The following RPF2 variants were observed in gnomAD, a reference collection of about 807,000 sequenced individuals.
RPF2 encodes ribosome production factor 2 homolog.
RPF2 carries 21 observed loss-of-function variants against 38.9 expected under a neutral mutation model. The observed-to-expected ratio is 0.54, with a 90% CI of 0.38 to 0.78. RPF2 has a LOEUF of 0.78. Among genes scored for constraint, RPF2 ranks in the 30% least tolerant of loss-of-function variants. The probability of loss-of-function intolerance (pLI) is 0.00; values close to 1 mark genes in which losing one functional copy is unlikely to be tolerated. For synonymous variants in RPF2, 121 were observed against 126.2 expected (o/e 0.96, Z 0.28); for missense variants, 314 against 358.1 (o/e 0.88, Z 0.99).
chr6:110,982,249 C>T, intron 1 of RPF2, 120 bp downstream of exon 1: 3 of 1,137,694 alleles, frequency 2.6e-6, no homozygotes, highest in Non-Finnish European at 2.6e-6. Context: ...GGGTGGGGGC[C>T]GATCGATCAC....
chr6:110,995,608 T>A (rs1013538801), intron 4 of RPF2, among the ~76,000 whole-genome samples: 1 of 152,186 alleles, frequency 6.6e-6, no homozygotes, highest in African/African-American at 2.4e-5. Flanking sequence ...TTCCAATTGA[T>A]TTCTGGACTA....
chr6:111,018,804 A>G (rs1345497962), intron 8 of RPF2, among the ~76,000 whole-genome samples: 1 of 152,198 alleles, frequency 6.6e-6, no homozygotes, highest in Non-Finnish European at 1.5e-5. Context: ...AAAGCCCCTT[A>G]AGTCTCCTGT....
intron 7 of RPF2, among the ~76,000 whole-genome samples, chr6:111,011,947 G>A (rs966928055): frequency 6.6e-6 from 1 of 152,090 alleles, no homozygotes; most frequent in African/African-American, 2.4e-5. Context: ...AGGGCACCAA[G>A]GGAAGTTGAG....
At chr6:111,017,702 G>A (rs1349070407) in intron 8 of RPF2, among the ~76,000 whole-genome samples, 3 of 145,844 alleles carry the variant, frequency 2.1e-5, no homozygotes, top group East Asian at 2.1e-4. Context: ...GATGGCGGCC[G>A]GGAAGAGGCG....
chr6:111,012,773 G>A (rs150324007), intron 7 of RPF2, among the ~76,000 whole-genome samples: 1,579 of 152,224 alleles, frequency 0.01, 26 homozygotes, highest in African/African-American at 0.036. Flanking sequence ...CTGTTCAAGC[G>A]ATTCTTCTGC....
intron 8 of RPF2, among the ~76,000 whole-genome samples, chr6:111,019,037 G>A (rs1377292379): frequency 3.3e-5 from 5 of 151,918 alleles, no homozygotes; most frequent in South Asian, 2.1e-4. Context: ...CCAACACAGC[G>A]AAACCTGTCT....
intron 8 of RPF2, among the ~76,000 whole-genome samples, chr6:111,023,944 C>T (rs910235121): frequency 1.7e-4 from 26 of 151,676 alleles, no homozygotes; most frequent in Middle Eastern, 3.4e-3. Flanking sequence ...GCCAAGATCG[C>T]GCCACTGCAC....
intron 7 of RPF2, among the ~76,000 whole-genome samples, chr6:111,010,128 C>CTT (rs201363141): frequency 2.3e-5 from 3 of 130,714 alleles, no homozygotes; most frequent in Non-Finnish European, 4.9e-5. Context: ...TTTTTTTTTT[C>CTT]TTTTTTTTTT....
intron 6 of RPF2, among the ~76,000 whole-genome samples, chr6:111,006,802 A>G (rs9374242): frequency 0.13 from 19,585 of 151,960 alleles, 1,743 homozygotes; most frequent in East Asian, 0.49. Flanking sequence ...GGCCAGTTGC[A>G]GTGGCTCATG....
At chr6:110,986,776 A>C (rs967444934) in intron 2 of RPF2, among the ~76,000 whole-genome samples, 14 of 151,898 alleles carry the variant, frequency 9.2e-5, no homozygotes, top group African/African-American at 2.9e-4. Flanking sequence ...ACACGGTGAA[A>C]TCCTGTCTCT....
At chr6:110,990,630 C>A (rs528020274) in intron 3 of RPF2, among the ~76,000 whole-genome samples, 3 of 146,546 alleles carry the variant, frequency 2.0e-5, no homozygotes, top group Non-Finnish European at 4.5e-5. Context: ...TTTCACCCAG[C>A]CTGGAGTGCA....
At chr6:111,018,938 G>A (rs372399908) in intron 8 of RPF2, among the ~76,000 whole-genome samples, 116 of 152,254 alleles carry the variant, frequency 7.6e-4, no homozygotes, top group African/African-American at 2.5e-3. Flanking sequence ...TACTCAGGAC[G>A]GACATGGTGG....
chr6:110,990,559 A>ACCCCCCC (rs34703789), intron 3 of RPF2, among the ~76,000 whole-genome samples: 3 of 77,276 alleles, frequency 3.9e-5, no homozygotes, highest in Admixed American at 1.8e-4. Context: ...GCAATTGGGA[A>ACCCCCCC]CCCCCCCCCC....
intron 6 of RPF2, among the ~76,000 whole-genome samples, chr6:111,004,032 C>T (rs556070980): frequency 5.1e-4 from 78 of 152,084 alleles, no homozygotes; most frequent in African/African-American, 1.7e-3. Flanking sequence ...AGGCTAGTCT[C>T]AAACTCCTGA....
intron 8 of RPF2, 26 bp downstream of exon 8, chr6:111,015,882 C>G: frequency 6.7e-7 from 1 of 1,495,326 alleles, no homozygotes; most frequent in Non-Finnish European, 9.3e-7. Flanking sequence ...CACATATTTT[C>G]TTAATCCTCA....
At chr6:111,011,299 TCTTTCTTTC>T (rs1562373430) in intron 7 of RPF2, among the ~76,000 whole-genome samples, 8 of 146,832 alleles carry the variant, frequency 5.4e-5, no homozygotes, top group East Asian at 2.7e-4. Context: ...TTTCTTTCTT[TCTTTCTTTC>T]TTTTTTTTTT....
chr6:111,013,648 A>G (rs1772056573), intron 7 of RPF2, among the ~76,000 whole-genome samples: 1 of 152,168 alleles, frequency 6.6e-6, no homozygotes, highest in Non-Finnish European at 1.5e-5. Flanking sequence ...TTGCATTATG[A>G]AAGTTGTTTC....
At chr6:111,016,670 C>CTTTTTTT (rs71021821) in intron 8 of RPF2, among the ~76,000 whole-genome samples, 1 of 122,172 alleles carries the variant, frequency 8.2e-6, no homozygotes, top group African/African-American at 3.2e-5. Flanking sequence ...AATTGTGGTT[C>CTTTTTTT]TTTTTTTTTT....
chr6:110,989,580 G>A (rs1275330038), intron 3 of RPF2, among the ~76,000 whole-genome samples: 25 of 150,226 alleles, frequency 1.7e-4, no homozygotes, highest in Non-Finnish European at 5.9e-5. Flanking sequence ...CTCCCATGTA[G>A]CTAGGATTAT....
Sources: allele counts gnomAD v4.1 joint callset (sites outside exome capture counted in the v4.1 genomes callset), GRCh38; gene constraint gnomAD v4.1.1; transcripts MANE v1.5; gene names NCBI Gene and HGNC (gene_info 2026-07-23, HGNC 2026-07-21).